NRXN3: variants seen among roughly 807,000 people sequenced by gnomAD.
NRXN3 encodes the protein neurexin III.
Under a neutral mutation model 137.6 loss-of-function variants are expected in NRXN3, and 32 were observed. That is an observed-to-expected ratio of 0.23 (90% CI 0.18 to 0.31). NRXN3 has a LOEUF of 0.31. Ranked by LOEUF, NRXN3 falls within the 10% of genes least tolerant of loss-of-function variation. The pLI, the probability that NRXN3 is intolerant of heterozygous loss-of-function variation, is 1.00. For synonymous variants in NRXN3, 798 were observed against 784.5 expected (o/e 1.02, Z -0.29); for missense variants, 1,574 against 2,062.5 (o/e 0.76, Z 4.59).
chr14:79,866,681 G>A lies in NRXN3; in HGVS notation c.*4717G>A, dbSNP rs969132537. The A allele has an allele frequency of 2.6e-5, 4 of 152,150 alleles. No homozygotes were observed. Among genetic ancestry groups the A allele is most frequent in the African/African-American group, 7.2e-5 (3 of 41,432 alleles). The allele number at this position is 152,150 out of a possible 1,614,324, so 9.4% of individuals were successfully genotyped here. On this transcript the variant is annotated 3_prime_UTR_variant, in exon 21 of 21. Transcript: ENST00000335750. The stretch of plus-strand genomic sequence containing the variant: ...AAGGGCTGCTTTGTCGAGTACAAAG[G>A]ACTCGAGCATATTTGAAATGAAAGG...
chr14:79,084,213 C>G (rs1253068521), intron 15 of NRXN3, among the ~76,000 whole-genome samples: 1 of 152,038 alleles, frequency 6.6e-6, no homozygotes, highest in African/African-American at 2.4e-5. Flanking sequence ...TGCACTTGGC[C>G]AGCAAGGGAA....
chr14:78,264,456 CT>C (rs919012041), intron 2 of NRXN3, among the ~76,000 whole-genome samples: 1 of 152,122 alleles, frequency 6.6e-6, no homozygotes, highest in Non-Finnish European at 1.5e-5. Context: ...AAAATCCTCT[CT>C]TGTGGAAAAT....
intron 4 of NRXN3, among the ~76,000 whole-genome samples, chr14:78,573,713 AT>A (rs1797214708): frequency 6.6e-6 from 1 of 152,224 alleles, no homozygotes; most frequent in Non-Finnish European, 1.5e-5. Context: ...TGGAACTTAT[AT>A]TTAAAAGGTA....
At chr14:78,728,367 A>G (rs940374669) in intron 8 of NRXN3, among the ~76,000 whole-genome samples, 1 of 152,184 alleles carries the variant, frequency 6.6e-6, no homozygotes, top group Non-Finnish European at 1.5e-5. Context: ...TTAAAAAGAG[A>G]TGCTTAAAGA....
intron 15 of NRXN3, among the ~76,000 whole-genome samples, chr14:79,441,039 T>C (rs2095932888): frequency 6.6e-6 from 1 of 152,202 alleles, no homozygotes; most frequent in Non-Finnish European, 1.5e-5. Flanking sequence ...AATTGACCAA[T>C]GTGGCAAGGG....
chr14:78,934,956 GTAATAATAA>G (rs34363893), intron 10 of NRXN3, among the ~76,000 whole-genome samples: 7 of 149,824 alleles, frequency 4.7e-5, no homozygotes, highest in South Asian at 2.1e-4. Context: ...AACTTAAAGT[GTAATAATAA>G]TAATAATAAT....
chr14:79,658,302 G>A (rs2098516530), intron 16 of NRXN3, among the ~76,000 whole-genome samples: 1 of 152,118 alleles, frequency 6.6e-6, no homozygotes, highest in African/African-American at 2.4e-5. Flanking sequence ...TAGGTAGCCT[G>A]GTTTATGTTG....
intron 15 of NRXN3, among the ~76,000 whole-genome samples, chr14:79,239,020 A>G (rs1165496529): frequency 6.6e-6 from 1 of 152,018 alleles, no homozygotes; most frequent in African/African-American, 2.4e-5. Context: ...ATGATCTAAG[A>G]CCCCCAGTAG....
In NRXN3 at chr14:79,559,856, G is replaced by T. The variant is rs115860553; in HGVS notation, c.3444+92454G>T. Among the ~76,000 whole-genome samples, 507 of 152,230 alleles carry T rather than the reference G, an allele frequency of 3.3e-3. 3 individuals are homozygous for T. Among genetic ancestry groups the T allele is most frequent in the African/African-American group, 0.012 (481 of 41,554 alleles). On this transcript the variant is annotated intron_variant, in intron 16 of 20. Transcript: ENST00000335750. ...CCTCTTTTGTAGTCAGAGGGCTATT[G>T]TATGTACTTGGAAAAAGTGTACATG...
intron 4 of NRXN3, among the ~76,000 whole-genome samples, chr14:78,480,593 A>T (rs2095456442): frequency 6.6e-6 from 1 of 152,192 alleles, no homozygotes; most frequent in African/African-American, 2.4e-5. Flanking sequence ...AATTTGCTAT[A>T]TATTTACTAT....
At chr14:79,824,696 G>A (rs2205217) in intron 20 of NRXN3, among the ~76,000 whole-genome samples, 46,596 of 151,980 alleles carry the variant, frequency 0.31, 7,824 homozygotes, top group Admixed American at 0.43. Flanking sequence ...ATTTCCTCAC[G>A]TATATTTAAG....
chr14:78,836,315 T>G (rs553049727), intron 10 of NRXN3, among the ~76,000 whole-genome samples: 1 of 152,326 alleles, frequency 6.6e-6, no homozygotes, highest in East Asian at 1.9e-4. Flanking sequence ...AATCCCAGCT[T>G]TTGCTGCTGC....
chr14:79,248,386 A>T (rs189805145), intron 15 of NRXN3, among the ~76,000 whole-genome samples: 3 of 152,196 alleles, frequency 2.0e-5, no homozygotes, highest in Admixed American at 2.0e-4. Flanking sequence ...CCTTCCTGAA[A>T]TGCCTTCTAG....
intron 8 of NRXN3, among the ~76,000 whole-genome samples, chr14:78,748,422 G>A (rs1228765033): frequency 1.4e-4 from 21 of 152,180 alleles, no homozygotes; most frequent in African/African-American, 3.9e-4. Flanking sequence ...GAGAGCCAGC[G>A]GATGCGGTAG....
chr14:78,524,551 A>C (rs1437067571), intron 4 of NRXN3, among the ~76,000 whole-genome samples: 1 of 152,114 alleles, frequency 6.6e-6, no homozygotes, highest in Non-Finnish European at 1.5e-5. Context: ...CTTTTAGTGT[A>C]GGGTGCAGGA....
intron 4 of NRXN3, among the ~76,000 whole-genome samples, chr14:78,516,069 A>G (rs2096201486): frequency 6.6e-6 from 1 of 152,198 alleles, no homozygotes. Context: ...GCCCCACTCC[A>G]TGGTATTCAT....
chr14:79,237,335 A>G (rs2073556006), intron 15 of NRXN3, among the ~76,000 whole-genome samples: 1 of 152,182 alleles, frequency 6.6e-6, no homozygotes, highest in African/African-American at 2.4e-5. Flanking sequence ...TAAAATGAGC[A>G]GATTTGGCGG....
At chr14:79,222,229 CTA>C (rs1255960075) in intron 15 of NRXN3, among the ~76,000 whole-genome samples, 1 of 152,078 alleles carries the variant, frequency 6.6e-6, no homozygotes, top group East Asian at 1.9e-4. Context: ...ATTGTCTTGG[CTA>C]TACGGGCTCT....
chr14:79,508,389 G>GTTTTTTTTTTTTTTTTTTTTTTTTTTTT (rs1567328889), intron 16 of NRXN3, among the ~76,000 whole-genome samples: 1 of 12,560 alleles, frequency 8.0e-5, no homozygotes, highest in Non-Finnish European at 1.5e-4. Context: ...AACAATAACT[G>GTTTTTTTTTTTTTTTTTTTTTTTTTTTT]ATTTTTTTTT....
Sources: allele counts gnomAD v4.1 joint callset (sites outside exome capture counted in the v4.1 genomes callset), GRCh38; gene constraint gnomAD v4.1.1; transcripts MANE v1.5; gene names NCBI Gene and HGNC (gene_info 2026-07-23, HGNC 2026-07-21).